TKT: variants seen among roughly 807,000 people sequenced by gnomAD.
The protein encoded by TKT is transketolase.
A neutral mutation model predicts 63.9 loss-of-function variants in TKT; 47 were observed. The observed-to-expected ratio is 0.74, with a 90% CI of 0.58 to 0.94. TKT has a LOEUF of 0.94. TKT is among the 40% of genes least tolerant of loss of function. The pLI, the probability that TKT is intolerant of heterozygous loss-of-function variation, is 0.00. For missense variants in TKT, 721 were observed against 846.2 expected (o/e 0.85, Z 1.84); for synonymous variants, 338 against 334.1 (o/e 1.01, Z -0.13).
intron 13 of TKT, chr3:53,226,319 A>C: frequency 8.0e-6 from 2 of 251,090 alleles, no homozygotes; most frequent in Admixed American, 5.0e-5. Context: ...AATTATCTAC[A>C]TTTGACCCCA....
chr3:53,236,285 C>T (rs1457865368), intron 4 of TKT, among the ~76,000 whole-genome samples: 1 of 152,248 alleles, frequency 6.6e-6, no homozygotes, highest in Non-Finnish European at 1.5e-5. Flanking sequence ...GGCCTCCCTG[C>T]CGCAGGGCCA....
At chr3:53,226,423 G>A in intron 13 of TKT, 1 of 329,904 alleles carries the variant, frequency 3.0e-6, no homozygotes, top group East Asian at 7.7e-5. Flanking sequence ...ACAAATACCA[G>A]AAATTCTGCA....
intron 4 of TKT, among the ~76,000 whole-genome samples, chr3:53,238,966 C>T (rs1354971730): frequency 6.6e-6 from 1 of 152,204 alleles, no homozygotes; most frequent in African/African-American, 2.4e-5. Flanking sequence ...CCAAATCTTA[C>T]CTTGTAGCTC....
chr3:53,232,957 A>G lies in TKT; in HGVS notation c.748+199T>C, dbSNP rs1385024723. Reference sequence around the variant, plus strand: ...TGCCTGTACATGCCCCCACCGGCAGAGGCCAGACGGATCTGAGTTTAAATC... The same window carrying G: ...TGCCTGTACATGCCCCCACCGGCAGGGGCCAGACGGATCTGAGTTTAAATC... On this transcript the variant is annotated intron_variant, in intron 6 of 13. Coordinates refer to ENST00000462138, the MANE Select transcript of TKT (RefSeq NM_001064.4). The G allele has an allele frequency of 5.4e-6, 3 of 553,400 alleles. No homozygotes were observed. In the African/African-American group the frequency reaches 5.8e-5, roughly 11 times the overall value. 34.3% of individuals were successfully genotyped at this position (553,400 alleles called of 1,614,324 possible). A position where few individuals can be genotyped will look rare whatever the true frequency, so the allele number is the denominator to read the frequency against.
intron 6 of TKT, chr3:53,232,954 C>G: frequency 1.8e-6 from 1 of 554,072 alleles, no homozygotes; most frequent in Non-Finnish European, 3.2e-6. Flanking sequence ...CCCCCACCGG[C>G]AGAGGCCAGA....
In TKT at chr3:53,239,977, G is replaced by A. The variant is rs192798416; in HGVS notation, c.437+274C>T. ...CACTCTGGCTGAAGAGCACATGATTGAGAGCACGCACTCTGTGCAAACCTG... is the reference window on the plus strand; with the variant it reads ...CACTCTGGCTGAAGAGCACATGATTAAGAGCACGCACTCTGTGCAAACCTG... On this transcript the variant is annotated intron_variant, in intron 4 of 13. Transcript: ENST00000462138. Among the ~76,000 whole-genome samples, 434 of 152,346 alleles carry A rather than the reference G, an allele frequency of 2.8e-3. 3 individuals carry two copies. Among genetic ancestry groups the A allele is most frequent in the South Asian group, 0.016 (76 of 4,830 alleles).
chr3:53,227,661 T>C (rs11719464), intron 12 of TKT: 107,252 of 189,250 alleles, frequency 0.57, 31,912 homozygotes, highest in South Asian at 0.82. Context: ...TCAGGAGAGC[T>C]CTGAGGGCAA....
intron 6 of TKT, chr3:53,232,473 C>T: frequency 2.5e-6 from 1 of 398,974 alleles, no homozygotes; most frequent in Admixed American, 4.4e-5. Flanking sequence ...CGACCCAGGC[C>T]CTGGGATCAG....
chr3:53,229,371 G>A lies in TKT; in HGVS notation c.1173C>T (p.Ala391=). ...RTVPFCSTFA[A]FFTRAFDQIR... is the part of the protein sequence containing the mutation. ...TCTGGTCAAAGGCCCGCGTGAAGAAGGCTGCAAAAGTGCTGCAGAAGGGCA... is the reference window on the plus strand; with the variant it reads ...TCTGGTCAAAGGCCCGCGTGAAGAAAGCTGCAAAAGTGCTGCAGAAGGGCA... Residue 391 remains alanine (A), a synonymous_variant, in exon 9 of 14, where the codon GCC becomes GCT. Coordinates refer to ENST00000462138, the MANE Select transcript of TKT (RefSeq NM_001064.4). 1 of 1,613,480 alleles carries A rather than the reference G, an allele frequency of 6.2e-7. No homozygotes were observed. Among genetic ancestry groups the A allele is most frequent in the Non-Finnish European group, 8.5e-7 (1 of 1,179,750 alleles).
Position 53,240,739 on chromosome 3 carries a change from G to A in TKT, c.340-391C>T, listed in dbSNP as rs929437070. ...TCCATGAAGTCTTAACGTTTGCAGG[G>A]ATGCCAGATGGCACCCCAAGGAACA... On this transcript the variant is annotated intron_variant, in intron 3 of 13. Transcript: ENST00000462138. Among the ~76,000 whole-genome samples the A allele has an allele frequency of 3.3e-5, 5 of 152,334 alleles. No individual in the cohort carries two copies. In the South Asian group the frequency reaches 6.2e-4, roughly 19 times the overall value.
intron 6 of TKT, 22 bp downstream of exon 6, chr3:53,233,134 A>G: frequency 2.5e-6 from 4 of 1,602,330 alleles, no homozygotes; most frequent in Non-Finnish European, 3.4e-6. Context: ...GAAGGTGGGG[A>G]GGGCGGCTTG....
In TKT at chr3:53,255,983, G is replaced by C; in HGVS notation, c.-41C>G. On this transcript the variant is annotated 5_prime_UTR_variant, in exon 1 of 14. Coordinates refer to ENST00000462138, the MANE Select transcript of TKT (RefSeq NM_001064.4). Reference sequence around the variant, plus strand: ...GACCGGGCGCACACGCGGACACACAGAGATAGCGGCTGCTCCCGCGGCGAC... The same window carrying C: ...GACCGGGCGCACACGCGGACACACACAGATAGCGGCTGCTCCCGCGGCGAC... 7.1e-6 allele frequency: 10 copies of C among 1,403,844 alleles called. No homozygotes were observed. Among genetic ancestry groups the C allele is most frequent in the East Asian group, 2.9e-5 (1 of 34,286 alleles). The allele number at this position is 1,403,844 out of a possible 1,614,324, so 87.0% of individuals were successfully genotyped here.
intron 10 of TKT, chr3:53,228,616 C>T: frequency 1.9e-6 from 1 of 526,228 alleles, no homozygotes; most frequent in Non-Finnish European, 3.4e-6. Context: ...GGGCTACTCC[C>T]ACAGACTGCA....
rs1704948599 is a variant in TKT at position 53,235,007 on chromosome 3, T to C, written c.605A>G (p.Tyr202Cys). Residue 202 changes from tyrosine (Y) to cysteine (C), a missense_variant, in exon 5 of 14, where the codon TAC becomes TGC. Physicochemically the swap from Tyr to Cys is radical, Grantham distance 194 (BLOSUM62 -2). Coordinates refer to ENST00000462138, the MANE Select transcript of TKT (RefSeq NM_001064.4). ...PAPLQHQMDI[Y>C]QKRCEAFGWH... ...CCCGAAGGCCTCGCACCGCTTCTGG[T>C]AGATGTCCATCTGGTGCTGCAGTGG... 4 of 1,613,614 alleles carry C rather than the reference T, an allele frequency of 2.5e-6. No homozygotes were observed. Among genetic ancestry groups the C allele is most frequent in the Non-Finnish European group, 3.4e-6 (4 of 1,179,890 alleles).
At chr3:53,230,702 A>G (rs1704715738) in intron 7 of TKT, 81 bp from the exon 8 acceptor site, 9 of 1,543,872 alleles carry the variant, frequency 5.8e-6, no homozygotes, top group Non-Finnish European at 7.0e-6. Context: ...GCTTTCAGAG[A>G]AGGATTAAAA....
At chr3:53,250,858 T>C (rs1259267801) in intron 1 of TKT, among the ~76,000 whole-genome samples, 2 of 152,132 alleles carry the variant, frequency 1.3e-5, no homozygotes, top group Non-Finnish European at 2.9e-5. Flanking sequence ...CATAACTCAC[T>C]GCAGCCTTGA....
At chr3:53,234,336 G>A in intron 5 of TKT, 1 of 152,618 alleles carries the variant, frequency 6.6e-6, no homozygotes, top group Non-Finnish European at 1.5e-5. Flanking sequence ...GCCTTGCACG[G>A]CACCTGCCCT....
chr3:53,254,127 G>A (rs1553681944), intron 1 of TKT, among the ~76,000 whole-genome samples: 1 of 152,222 alleles, frequency 6.6e-6, no homozygotes, highest in Non-Finnish European at 1.5e-5. Context: ...ACATCTGCAT[G>A]TTTTATCTAG....
rs1452785248 is a variant in TKT at position 53,233,292 on chromosome 3, A to G, written c.630-18T>C. On this transcript the variant is annotated intron_variant, in intron 5 of 13. Transcript: ENST00000462138. Reference sequence around the variant, plus strand: ...CATGCCAACTGGGGACAGGGGGCAGAGAGTAAGGGGCAATTCCCAGGGGCC... The same window carrying G: ...CATGCCAACTGGGGACAGGGGGCAGGGAGTAAGGGGCAATTCCCAGGGGCC... 1 of 1,596,228 alleles carries G rather than the reference A, an allele frequency of 6.3e-7. No individual in the cohort carries two copies. The highest frequency in any genetic ancestry group is 2.3e-5 in the East Asian group (1 of 44,212).
Sources: gnomAD v4.1 joint callset for allele counts (sites outside exome capture counted in the v4.1 genomes callset) on GRCh38, gnomAD v4.1.1 for gene constraint, MANE v1.5 for transcripts, NCBI Gene and HGNC (gene_info 2026-07-23, HGNC 2026-07-21) for gene names.